The following HCLS1 variants were observed in gnomAD, a reference collection of about 807,000 sequenced individuals.
The protein encoded by HCLS1 is hematopoietic lineage cell-specific protein.
In HCLS1, 44 loss-of-function variants were observed where a neutral mutation model predicts 68.6. That is an observed-to-expected ratio of 0.64 (90% CI 0.50 to 0.82). The LOEUF is 0.82. Among genes scored for constraint, HCLS1 ranks in the 40% least tolerant of loss-of-function variants. The pLI, the probability that HCLS1 is intolerant of heterozygous loss-of-function variation, is 0.00. For synonymous variants in HCLS1, 217 were observed against 225.8 expected, an observed-to-expected ratio of 0.96 and a Z score of 0.35; for missense variants, 602 against 612.1, an observed-to-expected ratio of 0.98 and a Z score of 0.17.
intron 8 of HCLS1, 54 bp from the exon 9 acceptor site, chr3:121,635,858 G>T: frequency 1.4e-6 from 2 of 1,438,290 alleles, no homozygotes; most frequent in African/African-American, 1.4e-5. Flanking sequence ...GGGTAGTGGT[G>T]ACCTGGAGGT....
intron 4 of HCLS1, 137 bp downstream of exon 4, chr3:121,647,182 C>T (rs772944682): frequency 4.9e-5 from 39 of 794,542 alleles, no homozygotes; most frequent in Non-Finnish European, 6.4e-5. Context: ...GGGGTTTCAC[C>T]GTGTTAGCCA....
At position 121,632,191 on chromosome 3, in the gene HCLS1, A is replaced by T. The variant is rs553563399; in HGVS notation, c.1241-7T>A. On this transcript the variant is annotated splice_region_variant and splice_polypyrimidine_tract_variant and intron_variant, in intron 12 of 13. Transcript: ENST00000314583. ...GCCGGGCAGCCTGATGATCCTGCAT[A>T]ATGAGAAACACAAACATGGGATCAT... 6.2e-7 allele frequency: 1 copy of T among 1,613,702 alleles called. No individual in the cohort carries two copies. Among genetic ancestry groups the T allele is most frequent in the Admixed American group, 1.7e-5 (1 of 59,994 alleles).
At chr3:121,659,641 C>T (rs575337370) in intron 1 of HCLS1, among the ~76,000 whole-genome samples, 1 of 152,182 alleles carries the variant, frequency 6.6e-6, no homozygotes, top group Non-Finnish European at 1.5e-5. Flanking sequence ...ACTGAGTCAG[C>T]CGGGAGTCAT....
At position 121,633,000 on chromosome 3, in the gene HCLS1, C is replaced by T. The variant is rs1576459953; in HGVS notation, c.1008+67G>A. ...CAAACCAGGATGGTTGGCCACCCTG[C>T]ACAGCCCACATTCCTAAGACTCGAG... On this transcript the variant is annotated intron_variant, in intron 11 of 13. Coordinates refer to ENST00000314583, the MANE Select transcript of HCLS1 (RefSeq NM_005335.6). The T allele has an allele frequency of 9.7e-6, 11 of 1,134,072 alleles. No individual in the cohort carries two copies. The East Asian group carries it at 2.7e-4, about 27-fold the overall frequency. 70.3% of individuals were successfully genotyped at this position (1,134,072 alleles called of 1,614,324 possible). A position where few individuals can be genotyped will look rare whatever the true frequency, so the allele number is the denominator to read the frequency against.
intron 1 of HCLS1, among the ~76,000 whole-genome samples, chr3:121,658,817 T>C (rs1210344147): frequency 6.6e-6 from 1 of 152,210 alleles, no homozygotes; most frequent in East Asian, 1.9e-4. Flanking sequence ...AAAGTGAACA[T>C]CTACATCCCT....
intron 9 of HCLS1, 136 bp from the exon 10 acceptor site, chr3:121,634,554 C>T (rs967764591): frequency 4.4e-5 from 35 of 789,404 alleles, no homozygotes; most frequent in Admixed American, 1.1e-4. Context: ...AAAGAGGTAT[C>T]GATAGAGGAA....
chr3:121,655,879 C>T (rs933733760), intron 3 of HCLS1, among the ~76,000 whole-genome samples: 3 of 150,974 alleles, frequency 2.0e-5, no homozygotes, highest in African/African-American at 7.3e-5. Context: ...GACTGAGTCT[C>T]GCTCTATCAC....
At chr3:121,649,322 G>C (rs570111190) in intron 3 of HCLS1, among the ~76,000 whole-genome samples, 1 of 152,050 alleles carries the variant, frequency 6.6e-6, no homozygotes, top group Non-Finnish European at 1.5e-5. Context: ...TGTAATCTCC[G>C]CCTCCCGGGT....
chr3:121,658,289 T>G lies in HCLS1; in HGVS notation c.59A>C (p.Asp20Ala), dbSNP rs1454811932. 1.2e-6 allele frequency: 2 copies of G among 1,613,758 alleles called. No individual in the cohort carries two copies. The highest frequency in any genetic ancestry group is 1.7e-6 in the Non-Finnish European group (2 of 1,179,852). The change falls in exon 2 of 14, where the codon GAT becomes GCT. Residue 20 changes from aspartate to alanine, a missense_variant. By Grantham distance (126) the Asp-to-Ala change is moderately radical. Coordinates refer to ENST00000314583, the MANE Select transcript of HCLS1 (RefSeq NM_005335.6). ...CACAAAGTCAGGATCTGTGTCCCAA[T>G]CATCACCCTGGGTCTCCACGGAAAC... The part of the protein sequence containing the change: ...VSVSVETQGD[D>A]WDTDPDFVND...
chr3:121,640,837 G>C (rs1162253998), intron 6 of HCLS1, among the ~76,000 whole-genome samples: 1 of 90,220 alleles, frequency 1.1e-5, no homozygotes, highest in Non-Finnish European at 2.3e-5. Context: ...GAGGGGACGG[G>C]AGGGCAGGGC....
chr3:121,647,261 G>A lies in HCLS1; in HGVS notation c.288+58C>T, dbSNP rs547951997. ...CTTCCAAAGTGCTGGGATTACAGGC[G>A]TGAGCCACCGCACCCGGCTTGTATT... On this transcript the variant is annotated intron_variant, in intron 4 of 13. Transcript: ENST00000314583. 69 of 1,584,746 alleles carry A rather than the reference G, an allele frequency of 4.4e-5. No individual in the cohort carries two copies. In the South Asian group the frequency reaches 6.3e-4, roughly 15 times the overall value.
At chr3:121,655,399 A>G (rs1193017534) in intron 3 of HCLS1, 1 of 147,560 alleles carries the variant, frequency 6.8e-6, no homozygotes, top group Non-Finnish European at 1.5e-5. Context: ...ACCTGTAACT[A>G]TACATCTTCA....
At position 121,632,149 on chromosome 3, in the gene HCLS1, C is replaced by T. The variant is rs1560135763; in HGVS notation, c.1276G>A (p.Ala426Thr). The change falls in exon 13 of 14, where the codon GCT (alanine) becomes ACT (threonine). Residue 426 changes from alanine (A) to threonine (T), a missense_variant. Coordinates refer to ENST00000314583, the MANE Select transcript of HCLS1 (RefSeq NM_005335.6). The part of the protein sequence containing the change: ...SGCPAGAGAG[A>T]VALGISAVAV... Reference sequence around the variant, plus strand: ...ACAGCTGAGATCCCCAGAGCCACAGCCCCAGCCCCAGCCCCAGCCGGGCAG... The same window carrying T: ...ACAGCTGAGATCCCCAGAGCCACAGTCCCAGCCCCAGCCCCAGCCGGGCAG... The T allele has an allele frequency of 6.2e-7, 1 of 1,603,840 alleles. No individual in the cohort carries two copies. The highest frequency in any genetic ancestry group is 2.2e-5 in the East Asian group (1 of 44,690).
At chr3:121,638,280 C>T (rs1016295237) in intron 6 of HCLS1, among the ~76,000 whole-genome samples, 1 of 152,072 alleles carries the variant, frequency 6.6e-6, no homozygotes, top group Non-Finnish European at 1.5e-5. Context: ...CCAGGCTAGC[C>T]TTAAACTCCT....
intron 9 of HCLS1, among the ~76,000 whole-genome samples, chr3:121,635,190 CTTTCTTTCT>C (rs1479880434): frequency 1.3e-5 from 2 of 151,518 alleles, no homozygotes; most frequent in Admixed American, 6.6e-5. Flanking sequence ...GACTTTCTCT[CTTTCTTTCT>C]TTTCTTTCTT....
rs528400966 is a variant in HCLS1 at position 121,638,134 on chromosome 3, G to A, written c.455-878C>T. ...TCTTTTGCTCAAGCTATAGTGCAGA[G>A]TACAATCATGGCTCACTGTAACCTT... On this transcript the variant is annotated intron_variant, in intron 6 of 13. Coordinates refer to ENST00000314583, the MANE Select transcript of HCLS1 (RefSeq NM_005335.6). Among the ~76,000 whole-genome samples the A allele has an allele frequency of 2.2e-4, 33 of 152,222 alleles. No homozygotes were observed. The East Asian group carries it at 5.2e-3, about 24-fold the overall frequency.
At chr3:121,658,097 A>T in intron 2 of HCLS1, 167 bp downstream of exon 2, 1 of 615,878 alleles carries the variant, frequency 1.6e-6, no homozygotes, top group East Asian at 2.8e-5. Flanking sequence ...GGTATCGTGC[A>T]TGCCCCACAG....
chr3:121,633,898 G>C (rs34086988), intron 10 of HCLS1, among the ~76,000 whole-genome samples: 34,632 of 152,070 alleles, frequency 0.23, 4,425 homozygotes, highest in Non-Finnish European at 0.29. Flanking sequence ...AATTCAAATG[G>C]AACTCATCCC....
At position 121,657,464 on chromosome 3, in the gene HCLS1, G is replaced by T. The variant is rs561603110; in HGVS notation, c.85-112C>A. 1.0e-4 allele frequency: 91 copies of T among 893,492 alleles called. No homozygotes were observed. In the East Asian group the frequency reaches 1.4e-3, roughly 13 times the overall value. The allele number at this position is 893,492 out of a possible 1,614,324, so 55.3% of individuals were successfully genotyped here. A position where few individuals can be genotyped will look rare whatever the true frequency, so the allele number is the denominator to read the frequency against. Reference sequence around the variant, plus strand: ...TCCCCTGTGTCCACTGCCTTCTTCAGTCTGGGTCTTTATTCACATCCCCTC... The same window carrying T: ...TCCCCTGTGTCCACTGCCTTCTTCATTCTGGGTCTTTATTCACATCCCCTC... On this transcript the variant is annotated intron_variant, in intron 2 of 13. Coordinates refer to ENST00000314583, the MANE Select transcript of HCLS1 (RefSeq NM_005335.6).
Sources: gnomAD v4.1 joint callset for allele counts (sites outside exome capture counted in the v4.1 genomes callset) on GRCh38, gnomAD v4.1.1 for gene constraint, MANE v1.5 for transcripts, NCBI Gene and HGNC (gene_info 2026-07-23, HGNC 2026-07-21) for gene names.